KANK1: variants seen among roughly 807,000 people sequenced by gnomAD.
KANK1 encodes KN motif and ankyrin repeat domain-containing protein 1.
Under a neutral mutation model 106.2 loss-of-function variants are expected in KANK1, and 109 were observed. The ratio of observed to expected loss-of-function variants is 1.03; its 90% confidence interval spans 0.88 to 1.20. The LOEUF (loss-of-function observed/expected upper bound fraction) is 1.20, where lower values mean the gene tolerates loss of function less well. KANK1 is among the 50% of genes most tolerant of loss of function. The probability of loss-of-function intolerance (pLI) is 0.00; values close to 1 mark genes in which losing one functional copy is unlikely to be tolerated. For missense variants in KANK1, 2,399 were observed against 1,710.7 expected (o/e 1.40, Z -7.10); for synonymous variants, 873 against 652.2 (o/e 1.34, Z -5.16).
At chr9:578,600 AAAAT>A (rs1821221083) in intron 1 of KANK1, among the ~76,000 whole-genome samples, 2 of 152,146 alleles carry the variant, frequency 1.3e-5, no homozygotes, top group Admixed American at 1.3e-4. Flanking sequence ...TTGATTTTAA[AAAAT>A]AAATATGTAA....
chr9:622,015 C>G (rs991318435), intron 1 of KANK1, among the ~76,000 whole-genome samples: 1 of 152,100 alleles, frequency 6.6e-6, no homozygotes, highest in African/African-American at 2.4e-5. Flanking sequence ...AAAAATTTTT[C>G]CAGGTTTTCT....
intron 1 of KANK1, among the ~76,000 whole-genome samples, chr9:553,004 G>C (rs2061372179): frequency 6.6e-6 from 1 of 152,108 alleles, no homozygotes; most frequent in African/African-American, 2.4e-5. Flanking sequence ...AAATTATCCA[G>C]GCCTGGTGGC....
chr9:743,712 A>T (rs1396124336), intron 10 of KANK1, among the ~76,000 whole-genome samples: 1 of 152,116 alleles, frequency 6.6e-6, no homozygotes, highest in Non-Finnish European at 1.5e-5. Flanking sequence ...CAAAAAAAAA[A>T]TTATCTAGGT....
At chr9:744,967 C>A in intron 11 of KANK1, 2 of 1,468,858 alleles carry the variant, frequency 1.4e-6, no homozygotes, top group Non-Finnish European at 1.8e-6. Context: ...GGGAAGGTGA[C>A]TTCCCAGGAC....
chr9:593,428 G>A (rs1825467931), intron 1 of KANK1, among the ~76,000 whole-genome samples: 1 of 149,342 alleles, frequency 6.7e-6, no homozygotes, highest in Admixed American at 6.6e-5. Flanking sequence ...TATGCTTAGT[G>A]GATATATTAG....
intron 1 of KANK1, among the ~76,000 whole-genome samples, chr9:542,518 A>G (rs2060664563): frequency 6.6e-6 from 1 of 152,250 alleles, no homozygotes; most frequent in Non-Finnish European, 1.5e-5. Context: ...TGCAGAAAAT[A>G]AAAACTGAAC....
chr9:580,350 A>G (rs1047907192), intron 1 of KANK1, among the ~76,000 whole-genome samples: 1 of 152,186 alleles, frequency 6.6e-6, no homozygotes, highest in African/African-American at 2.4e-5. Flanking sequence ...TTTATTGCAA[A>G]GAGTGAAAGA....
chr9:605,412 A>G (rs984197921), intron 1 of KANK1, among the ~76,000 whole-genome samples: 1 of 151,794 alleles, frequency 6.6e-6, no homozygotes, highest in African/African-American at 2.4e-5. Flanking sequence ...ATGAAGGGGC[A>G]TCTAAAACAG....
chr9:568,554 G>T (rs1818386663), intron 1 of KANK1, among the ~76,000 whole-genome samples: 1 of 152,112 alleles, frequency 6.6e-6, no homozygotes. Flanking sequence ...CAGTGGTGCA[G>T]TCATGGCATG....
intron 1 of KANK1, among the ~76,000 whole-genome samples, chr9:572,417 T>A (rs1751264389): frequency 6.6e-6 from 1 of 151,966 alleles, no homozygotes; most frequent in African/African-American, 2.4e-5. Context: ...CTGGGCGTGG[T>A]AGTGGGTTCC....
At chr9:623,617 G>A (rs1291467272) in intron 1 of KANK1, among the ~76,000 whole-genome samples, 21 of 133,088 alleles carry the variant, frequency 1.6e-4, no homozygotes, top group Non-Finnish European at 1.2e-4. Context: ...AAAAAAAAAA[G>A]AAAAAGAAAA....
At chr9:492,822 C>T (rs1016845269) in intron 3 of KANK1, among the ~76,000 whole-genome samples, 21 of 151,832 alleles carry the variant, frequency 1.4e-4, no homozygotes, top group African/African-American at 4.8e-4. Context: ...GTCGGGAATT[C>T]GAGACCAGCC....
chr9:671,551 G>A (rs1227865957), intron 1 of KANK1, among the ~76,000 whole-genome samples: 1 of 137,542 alleles, frequency 7.3e-6, no homozygotes, highest in African/African-American at 2.9e-5. Context: ...GGGAGGCGGA[G>A]CTTGCAGCGT....
At chr9:527,477 T>A (rs2059845031) in intron 1 of KANK1, among the ~76,000 whole-genome samples, 3 of 151,568 alleles carry the variant, frequency 2.0e-5, no homozygotes, top group Non-Finnish European at 4.4e-5. Flanking sequence ...AATTATGTAT[T>A]TTTGGTAGAG....
At position 543,431 on chromosome 9, in the gene KANK1, C is replaced by T. The variant is rs560398682; in HGVS notation, c.-84+38677C>T. ...AAAAATAGCTGTGCATGGTAACGGG[C>T]GCTTGTTATCCCAGCTACTCGGGAG... On this transcript the variant is annotated intron_variant, in intron 1 of 11. Transcript: ENST00000382297. 1.7e-4 allele frequency among the ~76,000 whole-genome samples: 26 copies of T among 151,800 alleles called. No homozygotes were observed. The East Asian group carries it at 2.7e-3, about 16-fold the overall frequency.
chr9:639,619 A>T lies in KANK1; in HGVS notation c.-83-37271A>T, dbSNP rs566794945. 2.0e-5 allele frequency among the ~76,000 whole-genome samples: 3 copies of T among 152,224 alleles called. No individual in the cohort carries two copies. The South Asian group carries it at 6.2e-4, about 32-fold the overall frequency. On this transcript the variant is annotated intron_variant, in intron 1 of 11. Coordinates refer to ENST00000382297, the MANE Select transcript of KANK1 (RefSeq NM_015158.5). Reference sequence around the variant, plus strand: ...GGCACGAGCCACTGCGCCTGGCCTGATCTTAGATGATTTACCAAACAGTGC... The same window carrying T: ...GGCACGAGCCACTGCGCCTGGCCTGTTCTTAGATGATTTACCAAACAGTGC...
intron 3 of KANK1, among the ~76,000 whole-genome samples, chr9:485,292 C>G (rs899984702): frequency 2.6e-5 from 4 of 152,174 alleles, no homozygotes; most frequent in Non-Finnish European, 5.9e-5. Flanking sequence ...TACAAGGAAA[C>G]TGTTTTTAAG....
intron 1 of KANK1, among the ~76,000 whole-genome samples, chr9:596,711 T>C (rs574691994): frequency 6.6e-6 from 1 of 151,694 alleles, no homozygotes; most frequent in Non-Finnish European, 1.5e-5. Context: ...TCCCTATACA[T>C]TTTTTTTAAC....
At chr9:542,790 A>T (rs1389037799) in intron 1 of KANK1, among the ~76,000 whole-genome samples, 1 of 152,220 alleles carries the variant, frequency 6.6e-6, no homozygotes. Context: ...ATAGCCAGGC[A>T]CAGAAAGACA....
Sources: allele counts gnomAD v4.1 joint callset (sites outside exome capture counted in the v4.1 genomes callset), GRCh38; gene constraint gnomAD v4.1.1; transcripts MANE v1.5; gene names NCBI Gene and HGNC (gene_info 2026-07-23, HGNC 2026-07-21).